USP7: variants seen among roughly 807,000 people sequenced by gnomAD.
The protein encoded by USP7 is ubiquitin specific peptidase 7, also known as ubiquitin C-terminal hydrolase 7.
In USP7, 9 loss-of-function variants were observed where a neutral mutation model predicts 162.9. That is an observed-to-expected ratio of 0.06 (90% CI 0.03 to 0.10). The LOEUF (loss-of-function observed/expected upper bound fraction) is 0.10, where lower values mean the gene tolerates loss of function less well. USP7 is among the 10% of genes least tolerant of loss of function. The pLI, the probability that USP7 is intolerant of heterozygous loss-of-function variation, is 1.00. For synonymous variants in USP7, 562 were observed against 475.9 expected, an observed-to-expected ratio of 1.18 and a Z score of -2.35; for missense variants, 715 against 1,373.7, an observed-to-expected ratio of 0.52 and a Z score of 7.58.
At chr16:8,963,081 G>C (rs1900086616) in intron 1 of USP7, 126 bp downstream of exon 1, 2 of 874,800 alleles carry the variant, frequency 2.3e-6, no homozygotes, top group Non-Finnish European at 2.9e-6. Flanking sequence ...GGGAGGCCAG[G>C]CCGAGGCCCG....
intron 2 of USP7, among the ~76,000 whole-genome samples, chr16:8,923,873 C>T (rs1045383413): frequency 6.6e-6 from 1 of 152,194 alleles, no homozygotes; most frequent in Non-Finnish European, 1.5e-5. Flanking sequence ...GCCAGGGAAA[C>T]AGCCATTCCC....
rs748729390 is a variant in USP7 at position 8,902,071 on chromosome 16, T to C, written c.2047+11A>G. 1.4e-5 allele frequency: 22 copies of C among 1,611,774 alleles called. No individual in the cohort carries two copies. In the South Asian group the frequency reaches 1.6e-4, roughly 12 times the overall value. On this transcript the variant is annotated intron_variant, in intron 18 of 30. Transcript: ENST00000344836. ...GCTCTAAGTGCAGGCAGGCGTCTCG[T>C]GGGCACTTACGATCTTTATCAAACT...
At chr16:8,955,214 C>G (rs8062134) in intron 1 of USP7, among the ~76,000 whole-genome samples, 146,647 of 152,344 alleles carry the variant, frequency 0.96, 70,867 homozygotes, top group East Asian at 1. Flanking sequence ...CCGTATGGCT[C>G]GTTTTTTTAC....
chr16:8,940,144 G>A (rs1307429209), intron 1 of USP7, among the ~76,000 whole-genome samples: 1 of 151,918 alleles, frequency 6.6e-6, no homozygotes, highest in African/African-American at 2.4e-5. Flanking sequence ...GTATTTTTGT[G>A]ACTCCAAATG....
intron 28 of USP7, 51 bp downstream of exon 28, chr16:8,894,980 C>CA (rs1567203933): frequency 1.2e-6 from 2 of 1,613,682 alleles, no homozygotes; most frequent in Non-Finnish European, 1.7e-6. Context: ...AGCGGCCACT[C>CA]AAAGGCTCCA....
intron 2 of USP7, among the ~76,000 whole-genome samples, chr16:8,927,989 T>A (rs1390021543): frequency 6.6e-6 from 1 of 152,196 alleles, no homozygotes; most frequent in Non-Finnish European, 1.5e-5. Context: ...TACAAACAAT[T>A]AGCCACACAT....
intron 11 of USP7, among the ~76,000 whole-genome samples, chr16:8,909,606 T>C (rs538441324): frequency 6.6e-6 from 1 of 152,202 alleles, no homozygotes. Flanking sequence ...GACCAGAATA[T>C]TTCTTCATCA....
At chr16:8,941,645 GC>G (rs1899049900) in intron 1 of USP7, among the ~76,000 whole-genome samples, 1 of 152,182 alleles carries the variant, frequency 6.6e-6, no homozygotes, top group South Asian at 2.1e-4. Flanking sequence ...TTGTAGCCTT[GC>G]TTGGTACCAG....
At chr16:8,912,492 G>T (rs1309834871) in intron 10 of USP7, among the ~76,000 whole-genome samples, 1 of 148,338 alleles carries the variant, frequency 6.7e-6, no homozygotes, top group Non-Finnish European at 1.5e-5. Flanking sequence ...ACATTACCAA[G>T]CATGCAAAGA....
chr16:8,944,517 T>A (rs1466849940), intron 1 of USP7, among the ~76,000 whole-genome samples: 1 of 152,212 alleles, frequency 6.6e-6, no homozygotes, highest in Non-Finnish European at 1.5e-5. Flanking sequence ...TTTTTATACA[T>A]ACTCTTGGTT....
intron 1 of USP7, among the ~76,000 whole-genome samples, chr16:8,946,215 C>T (rs1899267862): frequency 6.6e-6 from 1 of 152,176 alleles, no homozygotes; most frequent in African/African-American, 2.4e-5. Flanking sequence ...AGGAAAACAT[C>T]TGTCATGATG....
At chr16:8,947,610 A>C (rs1899348613) in intron 1 of USP7, among the ~76,000 whole-genome samples, 1 of 150,640 alleles carries the variant, frequency 6.6e-6, no homozygotes, top group Non-Finnish European at 1.5e-5. Context: ...AGCCTCCCAA[A>C]ATGCTGGGAT....
chr16:8,897,216 T>A (rs900385411), intron 25 of USP7, 117 bp from the exon 26 acceptor site: 1 of 781,026 alleles, frequency 1.3e-6, no homozygotes, highest in South Asian at 1.6e-5. Flanking sequence ...CTGGCCCCCA[T>A]GTTCTTGCTC....
At chr16:8,942,337 G>T (rs1481615942) in intron 1 of USP7, among the ~76,000 whole-genome samples, 1 of 152,134 alleles carries the variant, frequency 6.6e-6, no homozygotes, top group Non-Finnish European at 1.5e-5. Context: ...CCTGGTACCA[G>T]CCCTTGCCAA....
At chr16:8,958,827 T>G (rs1362480740) in intron 1 of USP7, among the ~76,000 whole-genome samples, 4 of 152,210 alleles carry the variant, frequency 2.6e-5, no homozygotes, top group African/African-American at 7.2e-5. Context: ...TCTCAAAATA[T>G]TACACTTTTA....
chr16:8,931,489 C>T (rs1042191956), intron 1 of USP7, among the ~76,000 whole-genome samples: 10 of 152,184 alleles, frequency 6.6e-5, no homozygotes, highest in Non-Finnish European at 1.3e-4. Context: ...CTTAAAACAT[C>T]AAATCATCAC....
intron 5 of USP7, among the ~76,000 whole-genome samples, chr16:8,920,001 G>C (rs769419856): frequency 6.6e-6 from 1 of 152,100 alleles, no homozygotes; most frequent in South Asian, 2.1e-4. Flanking sequence ...CCTCACACTC[G>C]GAGAGGACTT....
In USP7 at chr16:8,917,619, T is replaced by C. The variant is rs190569613; in HGVS notation, c.721-463A>G. 3.1e-4 allele frequency among the ~76,000 whole-genome samples: 47 copies of C among 152,326 alleles called. 1 individual carries two copies. Among genetic ancestry groups the C allele is most frequent in the Middle Eastern group, 3.4e-3 (1 of 294 alleles). ...GACTGAAACTCCTGACCTCAGGGGA[T>C]CTGCCCACCTTGGCCTCCCAAAGTG... On this transcript the variant is annotated intron_variant, in intron 6 of 30. Transcript: ENST00000344836.
Position 8,899,687 on chromosome 16 carries a change from C to T in USP7, c.2380G>A (p.Val794Ile). 3.1e-6 allele frequency: 5 copies of T among 1,614,120 alleles called. No individual in the cohort carries two copies. The highest frequency in any genetic ancestry group is 4.2e-6 in the Non-Finnish European group (5 of 1,179,976). ...KEYFRDLYHR[V>I]DVIFCDKTIP... ...GTTTTATCACAGAAAATGACATCAA[C>T]GCGGTGGTAGAGATCTCGGAAATAC... The change falls in exon 22 of 31, where the codon GTT becomes ATT. Residue 794 changes from valine to isoleucine, a missense_variant. Val to Ile is a conservative substitution (Grantham distance 29). Around this residue, in one of 11 missense-constraint regions of USP7, gnomAD observed 222 missense variants for 441.7 expected, o/e 0.50. Coordinates refer to ENST00000344836, the MANE Select transcript of USP7 (RefSeq NM_003470.3).
Sources: gnomAD v4.1 joint callset for allele counts (sites outside exome capture counted in the v4.1 genomes callset) on GRCh38, gnomAD v4.1.1 for gene constraint, gnomAD v4.1.1 regional missense constraint, MANE v1.5 for transcripts, NCBI Gene and HGNC (gene_info 2026-07-23, HGNC 2026-07-21) for gene names.